The following FBXL13 variants were observed in gnomAD, a reference collection of about 807,000 sequenced individuals.
FBXL13 encodes the protein F-box and leucine rich repeat protein 13, also known as F-box and leucine-rich repeat protein 13.
In FBXL13, 67 loss-of-function variants were observed where a neutral mutation model predicts 83.6. That is an observed-to-expected ratio of 0.80 (90% CI 0.66 to 0.98). The LOEUF (loss-of-function observed/expected upper bound fraction) is 0.98. Ranked by LOEUF, FBXL13 falls within the 50% of genes least tolerant of loss-of-function variation. FBXL13 has a pLI of 0.00. For synonymous variants in FBXL13, 272 were observed against 299.5 expected (o/e 0.91, Z 0.95); for missense variants, 822 against 866.5 (o/e 0.95, Z 0.64).
chr7:102,887,871 C>A (rs1425850538), intron 11 of FBXL13, among the ~76,000 whole-genome samples: 1 of 152,148 alleles, frequency 6.6e-6, no homozygotes, highest in African/African-American at 2.4e-5. Context: ...ACACCAAATG[C>A]TAATAGTGAT....
chr7:102,874,389 G>A (rs915298430), intron 16 of FBXL13: 1 of 984,712 alleles, frequency 1.0e-6, no homozygotes, highest in African/African-American at 1.7e-5. Context: ...GAGTTTAACT[G>A]ACTTGGAGGA....
chr7:103,004,813 G>A (rs1382656847), intron 6 of FBXL13, among the ~76,000 whole-genome samples: 1 of 152,146 alleles, frequency 6.6e-6, no homozygotes, highest in African/African-American at 2.4e-5. Flanking sequence ...TGAGTTCTGG[G>A]ATACTGATGG....
intron 10 of FBXL13, among the ~76,000 whole-genome samples, chr7:102,917,211 C>T (rs1028931279): frequency 5.3e-5 from 8 of 152,146 alleles, no homozygotes; most frequent in Admixed American, 2.0e-4. Flanking sequence ...GTCAAGACAA[C>T]AGCTTACTTT....
intron 11 of FBXL13, among the ~76,000 whole-genome samples, chr7:102,899,238 T>A (rs970518596): frequency 1.3e-5 from 2 of 152,200 alleles, no homozygotes; most frequent in African/African-American, 4.8e-5. Context: ...AAACCCCAAA[T>A]GAAAGCTAAA....
intron 6 of FBXL13, among the ~76,000 whole-genome samples, chr7:103,004,117 T>C (rs1389697378): frequency 6.6e-6 from 1 of 152,246 alleles, no homozygotes; most frequent in Non-Finnish European, 1.5e-5. Context: ...TATGAATGTA[T>C]ACCTGTGGCT....
intron 6 of FBXL13, among the ~76,000 whole-genome samples, chr7:103,022,299 G>A (rs1585403835): frequency 6.6e-6 from 1 of 151,294 alleles, no homozygotes; most frequent in East Asian, 1.9e-4. Context: ...ATGGACACAG[G>A]ATGGGGAACA....
intron 1 of FBXL13, among the ~76,000 whole-genome samples, chr7:103,073,922 CCACT>C (rs1799322646): frequency 6.6e-6 from 1 of 152,154 alleles, no homozygotes; most frequent in African/African-American, 2.4e-5. Flanking sequence ...ATCCCCATCC[CCACT>C]CAAACACGCA....
intron 2 of FBXL13, among the ~76,000 whole-genome samples, chr7:103,045,941 T>C (rs1796231218): frequency 6.6e-6 from 1 of 152,202 alleles, no homozygotes; most frequent in Non-Finnish European, 1.5e-5. Context: ...TCTTTCCATT[T>C]GAAGAGAGAC....
chr7:102,937,997 G>C (rs930334516), intron 8 of FBXL13, among the ~76,000 whole-genome samples: 1 of 152,156 alleles, frequency 6.6e-6, no homozygotes, highest in Admixed American at 6.5e-5. Flanking sequence ...AGACCTCAAT[G>C]ATCACTATGT....
At chr7:102,928,654 G>GTA in intron 9 of FBXL13, among the ~76,000 whole-genome samples, 1 of 152,288 alleles carries the variant, frequency 6.6e-6, no homozygotes, top group East Asian at 1.9e-4. Flanking sequence ...CACAACTGAA[G>GTA]CTCCCTGAGG....
chr7:102,897,703 G>A (rs917642706), intron 11 of FBXL13, among the ~76,000 whole-genome samples: 2 of 152,114 alleles, frequency 1.3e-5, no homozygotes, highest in African/African-American at 4.8e-5. Flanking sequence ...CAATATTGCA[G>A]AGGAAACACA....
intron 1 of FBXL13, among the ~76,000 whole-genome samples, chr7:103,059,510 C>T (rs1429660404): frequency 1.3e-5 from 2 of 152,128 alleles, no homozygotes; most frequent in Admixed American, 1.3e-4. Context: ...ATAAGATTAA[C>T]GTTTGACTCT....
intron 6 of FBXL13, among the ~76,000 whole-genome samples, chr7:102,999,039 G>A (rs1049647781): frequency 2.6e-5 from 4 of 151,852 alleles, no homozygotes; most frequent in Admixed American, 6.6e-5. Context: ...CATTCAGTAC[G>A]ACGTTAGTTG....
At chr7:102,955,361 C>T (rs570174480) in intron 8 of FBXL13, among the ~76,000 whole-genome samples, 10 of 151,992 alleles carry the variant, frequency 6.6e-5, no homozygotes, top group African/African-American at 1.9e-4. Context: ...AAAGACACAA[C>T]GCACCACAAT....
intron 6 of FBXL13, among the ~76,000 whole-genome samples, chr7:102,974,276 G>T (rs1043649392): frequency 4.9e-4 from 74 of 152,236 alleles, no homozygotes; most frequent in African/African-American, 1.7e-3. Flanking sequence ...TGTAGTCCCA[G>T]CTACTCAGGA....
intron 11 of FBXL13, among the ~76,000 whole-genome samples, chr7:102,908,181 C>A (rs1277073861): frequency 1.3e-5 from 2 of 152,126 alleles, no homozygotes; most frequent in African/African-American, 4.8e-5. Flanking sequence ...TCTGTTTGAT[C>A]AGTTCTGCTA....
chr7:102,839,714 G>A (rs1004660027), intron 17 of FBXL13, among the ~76,000 whole-genome samples: 1 of 152,128 alleles, frequency 6.6e-6, no homozygotes, highest in Non-Finnish European at 1.5e-5. Context: ...CCAAAGTGCT[G>A]GGATTACACA....
chr7:102,922,117 G>A (rs1468386117), intron 10 of FBXL13, among the ~76,000 whole-genome samples: 1 of 151,812 alleles, frequency 6.6e-6, no homozygotes, highest in Admixed American at 6.6e-5. Flanking sequence ...TTGAGCCCGC[G>A]AGGCGGAGGT....
At chr7:102,837,974 C>T (rs1329247294) in intron 17 of FBXL13, among the ~76,000 whole-genome samples, 2 of 152,196 alleles carry the variant, frequency 1.3e-5, no homozygotes, top group Non-Finnish European at 2.9e-5. Context: ...AGAATTAGTT[C>T]AAGATGAGAG....
Sources: allele counts gnomAD v4.1 joint callset (sites outside exome capture counted in the v4.1 genomes callset), GRCh38; gene constraint gnomAD v4.1.1; transcripts MANE v1.5; gene names NCBI Gene and HGNC (gene_info 2026-07-23, HGNC 2026-07-21).